Variants in PLPPR5 observed in about 807,000 individuals in gnomAD.
The protein encoded by PLPPR5 is phospholipid phosphatase-related protein type 5.
In PLPPR5, 16 loss-of-function variants were observed where a neutral mutation model predicts 33.9. The ratio of observed to expected loss-of-function variants is 0.47; its 90% confidence interval spans 0.32 to 0.72. PLPPR5 has a LOEUF of 0.72. Ranked by LOEUF, PLPPR5 falls within the 30% of genes least tolerant of loss-of-function variation. PLPPR5 has a pLI of 0.03. For synonymous variants in PLPPR5, 163 were observed against 150.3 expected, an observed-to-expected ratio of 1.08 and a Z score of -0.62; for missense variants, 301 against 406.7, an observed-to-expected ratio of 0.74 and a Z score of 2.23.
At chr1:98,965,505 G>A (rs757302873) in intron 1 of PLPPR5, among the ~76,000 whole-genome samples, 2 of 151,940 alleles carry the variant, frequency 1.3e-5, no homozygotes, top group Admixed American at 6.6e-5. Flanking sequence ...ATCAATTACC[G>A]TCTTTGGTAA....
intron 1 of PLPPR5, among the ~76,000 whole-genome samples, chr1:98,960,539 A>G (rs7543846): frequency 0.07 from 10,658 of 152,218 alleles, 511 homozygotes; most frequent in Non-Finnish European, 0.096. Context: ...AAAATAAAAT[A>G]ATTATAATTA....
chr1:98,917,824 A>G (rs981484208), intron 4 of PLPPR5, among the ~76,000 whole-genome samples: 1 of 152,222 alleles, frequency 6.6e-6, no homozygotes, highest in Non-Finnish European at 1.5e-5. Flanking sequence ...TGTCTCTTCC[A>G]AGTTCCACAA....
chr1:98,964,622 C>T (rs945285219), intron 1 of PLPPR5, among the ~76,000 whole-genome samples: 2 of 152,204 alleles, frequency 1.3e-5, no homozygotes, highest in African/African-American at 4.8e-5. Flanking sequence ...CTAAACTCAA[C>T]CCATCCCTAC....
intron 2 of PLPPR5, among the ~76,000 whole-genome samples, chr1:98,955,087 G>C (rs1355185227): frequency 6.6e-6 from 1 of 152,010 alleles, no homozygotes; most frequent in Non-Finnish European, 1.5e-5. Context: ...CTTACCTAAA[G>C]TAAGCACTGA....
chr1:98,906,178 T>C (rs1648890689), intron 5 of PLPPR5, among the ~76,000 whole-genome samples: 1 of 150,946 alleles, frequency 6.6e-6, no homozygotes, highest in African/African-American at 2.4e-5. Flanking sequence ...ATATATAGTG[T>C]GTGTGTATAT....
chr1:98,902,698 G>T (rs1570681913), intron 5 of PLPPR5, among the ~76,000 whole-genome samples: 1 of 152,072 alleles, frequency 6.6e-6, no homozygotes, highest in Admixed American at 6.6e-5. Context: ...GAGATGAACG[G>T]CTGGGATCAG....
At chr1:98,976,598 C>T (rs922023905) in intron 1 of PLPPR5, among the ~76,000 whole-genome samples, 2 of 152,022 alleles carry the variant, frequency 1.3e-5, no homozygotes, top group Admixed American at 1.3e-4. Context: ...TTGCCTTGAA[C>T]ACTTGGTGAC....
At position 98,945,487 on chromosome 1, in the gene PLPPR5, C is replaced by A. The variant is rs915620628; in HGVS notation, c.621+7583G>T. 5.3e-5 allele frequency among the ~76,000 whole-genome samples: 8 copies of A among 152,178 alleles called. No individual in the cohort carries two copies. In the East Asian group the frequency reaches 1.4e-3, roughly 26 times the overall value. Reference sequence around the variant, plus strand: ...GGCTGCCTTCTTTTCAATGGGGGTACCTTCCAGGAGGTAGTGTGATGTAAA... The same window carrying A: ...GGCTGCCTTCTTTTCAATGGGGGTAACTTCCAGGAGGTAGTGTGATGTAAA... On this transcript the variant is annotated intron_variant, in intron 3 of 5. Transcript: ENST00000263177.
At chr1:98,907,295 A>C (rs1648942616) in intron 5 of PLPPR5, among the ~76,000 whole-genome samples, 1 of 144,738 alleles carries the variant, frequency 6.9e-6, no homozygotes, top group Non-Finnish European at 1.5e-5. Context: ...TCTGCCCCCC[A>C]GGTTCAAGCG....
chr1:98,996,907 A>G (rs1045952123), intron 1 of PLPPR5, among the ~76,000 whole-genome samples: 6 of 152,178 alleles, frequency 3.9e-5, no homozygotes, highest in Non-Finnish European at 8.8e-5. Context: ...TTTATGCTAT[A>G]AATCAAATCA....
In PLPPR5 at chr1:98,966,968, G is replaced by T. The variant is rs533787396; in HGVS notation, c.238-10227C>A. ...CCCTACTGACTCAAGAACTCTGGGG[G>T]TGGGGGTCTGGCCATCTGTGTTTCA... On this transcript the variant is annotated intron_variant, in intron 1 of 5. Transcript: ENST00000263177. Among the ~76,000 whole-genome samples, 4 of 152,244 alleles carry T rather than the reference G, an allele frequency of 2.6e-5. No homozygotes were observed. In the South Asian group the frequency reaches 8.3e-4, roughly 32 times the overall value.
At chr1:98,947,654 G>C (rs1029302479) in intron 3 of PLPPR5, among the ~76,000 whole-genome samples, 1 of 151,976 alleles carries the variant, frequency 6.6e-6, no homozygotes, top group Non-Finnish European at 1.5e-5. Flanking sequence ...AGGGAGACAG[G>C]GTTAATAATG....
chr1:98,966,534 T>C (rs1557686668), intron 1 of PLPPR5, among the ~76,000 whole-genome samples: 1 of 152,162 alleles, frequency 6.6e-6, no homozygotes, highest in Admixed American at 6.5e-5. Flanking sequence ...TAAAGTAACC[T>C]ATATATGTTA....
chr1:98,982,280 A>C (rs1469458653), intron 1 of PLPPR5, among the ~76,000 whole-genome samples: 1 of 152,072 alleles, frequency 6.6e-6, no homozygotes, highest in Non-Finnish European at 1.5e-5. Flanking sequence ...AATGGTTTGG[A>C]CTGAGCTCCT....
chr1:98,954,906 C>T (rs902608080), intron 2 of PLPPR5, among the ~76,000 whole-genome samples: 3 of 151,940 alleles, frequency 2.0e-5, no homozygotes, highest in African/African-American at 7.2e-5. Flanking sequence ...CTGTTTATAA[C>T]AGAGAGAAAT....
intron 1 of PLPPR5, among the ~76,000 whole-genome samples, chr1:98,972,969 A>C (rs1651709191): frequency 6.6e-6 from 1 of 152,108 alleles, no homozygotes; most frequent in Non-Finnish European, 1.5e-5. Context: ...GTTTAGAAAA[A>C]GGGCAATCGT....
chr1:98,993,541 T>G (rs1378724074), intron 1 of PLPPR5, among the ~76,000 whole-genome samples: 1 of 152,096 alleles, frequency 6.6e-6, no homozygotes, highest in Admixed American at 6.6e-5. Context: ...AGCCCAACAC[T>G]GTGAAGACAC....
chr1:98,891,051 TAA>T lies in PLPPR5; in HGVS notation c.*2019_*2020del, dbSNP rs1557658373. Reference sequence around the variant, plus strand: ...AAGCCTTACTAGTAATCTAGCTTTCTAAGACATTAGGATCATCCCCTTCACTT... The same window carrying T: ...AAGCCTTACTAGTAATCTAGCTTTCTGACATTAGGATCATCCCCTTCACTT... On this transcript the variant is annotated 3_prime_UTR_variant, in exon 6 of 6. Coordinates refer to ENST00000263177, the MANE Select transcript of PLPPR5 (RefSeq NM_001037317.2). The T allele has an allele frequency of 6.6e-6, 1 of 152,140 alleles. No individual in the cohort carries two copies. Among genetic ancestry groups the T allele is most frequent in the Non-Finnish European group, 1.5e-5 (1 of 68,020 alleles). 9.4% of individuals were successfully genotyped at this position (152,140 alleles called of 1,614,324 possible). A position where few individuals can be genotyped will look rare whatever the true frequency, so the allele number is the denominator to read the frequency against.
At chr1:98,924,348 T>C (rs1050700096) in intron 3 of PLPPR5, among the ~76,000 whole-genome samples, 6 of 152,170 alleles carry the variant, frequency 3.9e-5, no homozygotes, top group African/African-American at 1.4e-4. Flanking sequence ...AAATGGAAAG[T>C]AGAGGGAAGG....
Sources: gnomAD v4.1 joint callset for allele counts (sites outside exome capture counted in the v4.1 genomes callset) on GRCh38, gnomAD v4.1.1 for gene constraint, MANE v1.5 for transcripts, NCBI Gene and HGNC (gene_info 2026-07-23, HGNC 2026-07-21) for gene names.